The following IL17RD variants were observed in gnomAD, a reference collection of about 807,000 sequenced individuals.
IL17RD encodes the protein interleukin-17 receptor D.
In IL17RD, 52 loss-of-function variants were observed where a neutral mutation model predicts 80.5. The observed-to-expected ratio is 0.65, with a 90% CI of 0.52 to 0.81. IL17RD has a LOEUF of 0.81. Ranked by LOEUF, IL17RD falls within the 40% of genes least tolerant of loss-of-function variation. The pLI is 0.00. For missense variants in IL17RD, 1,024 were observed against 955.1 expected, an observed-to-expected ratio of 1.07 and a Z score of -0.95; for synonymous variants, 416 against 391.8, an observed-to-expected ratio of 1.06 and a Z score of -0.73.
chr3:57,124,869 TC>T (rs1160131385), intron 1 of IL17RD, among the ~76,000 whole-genome samples: 1 of 152,180 alleles, frequency 6.6e-6, no homozygotes, highest in Non-Finnish European at 1.5e-5. Flanking sequence ...CCGGAGCTGA[TC>T]CCTGTCCTTG....
intron 1 of IL17RD, among the ~76,000 whole-genome samples, chr3:57,123,281 ACGTGCATATCTGCCCT>A (rs963359447): frequency 7.2e-5 from 11 of 152,216 alleles, no homozygotes; most frequent in Admixed American, 7.2e-4. Flanking sequence ...GGCTCTGGCC[ACGTGCATATCTGCCCT>A]CGCTCCCCTG....
rs369550698 is a variant in IL17RD, at chr3:57,104,277, T to C, written c.813+65A>G. 2,005 of 1,112,082 alleles carry C rather than the reference T, an allele frequency of 1.8e-3. 23 individuals are homozygous for C. Among genetic ancestry groups the C allele is most frequent in the Middle Eastern group, 9.3e-3 (48 of 5,144 alleles). The allele number at this position is 1,112,082 out of a possible 1,614,324, so 68.9% of individuals were successfully genotyped here. ...CTTGAAATTTTAGTGTTGTAAACAG[T>C]TGGAATTCTATATGAACTGGGTTCA... On this transcript the variant is annotated intron_variant, in intron 8 of 12. Transcript: ENST00000296318.
chr3:57,098,558 C>T lies in IL17RD; in HGVS notation c.1165-20G>A. ...AGCCACCTGGAAAGAGAACAAGGCACCTCACCCATACAGAAGGCTCGGGAA... is the reference window on the plus strand; with the variant it reads ...AGCCACCTGGAAAGAGAACAAGGCATCTCACCCATACAGAAGGCTCGGGAA... On this transcript the variant is annotated intron_variant, in intron 11 of 12. Coordinates refer to ENST00000296318, the MANE Select transcript of IL17RD (RefSeq NM_017563.5). The T allele has an allele frequency of 1.3e-6, 2 of 1,531,440 alleles. No individual in the cohort carries two copies. The allele number at this position is 1,531,440 out of a possible 1,614,324, so 94.9% of individuals were successfully genotyped here.
rs1284901270 is a variant in IL17RD at position 57,094,311 on chromosome 3, T to A, written c.*2082A>T. On this transcript the variant is annotated 3_prime_UTR_variant, in exon 13 of 13. Transcript: ENST00000296318. The stretch of plus-strand genomic sequence containing the variant: ...GTTTCATTACTCGGTATATTAAGAG[T>A]TTGATTTTATTGATCAGAAACATTA... The A allele has an allele frequency of 2.6e-5, 4 of 152,070 alleles. No homozygotes were observed. The highest frequency in any genetic ancestry group is 9.7e-5 in the African/African-American group (4 of 41,388). 9.4% of individuals were successfully genotyped at this position (152,070 alleles called of 1,614,324 possible).
At chr3:57,096,638 A>C in intron 12 of IL17RD, 133 bp from the exon 13 acceptor site, 1 of 678,518 alleles carries the variant, frequency 1.5e-6, no homozygotes. Flanking sequence ...AATCCCAACC[A>C]ACTCAAGATG....
upstream of IL17RD, among the ~76,000 whole-genome samples, chr3:57,170,061 ACT>A (rs2060362751): frequency 6.6e-6 from 1 of 151,944 alleles, no homozygotes; most frequent in Admixed American, 6.6e-5. Flanking sequence ...ATTCCTCCAG[ACT>A]CTTCCTGTCT....
upstream of IL17RD, among the ~76,000 whole-genome samples, chr3:57,169,013 C>A (rs2060359156): frequency 1.3e-5 from 2 of 152,252 alleles, no homozygotes; most frequent in Admixed American, 1.3e-4. Flanking sequence ...CCGCCGCTCC[C>A]AGTCTCCATC....
intron 2 of IL17RD, among the ~76,000 whole-genome samples, chr3:57,119,553 G>GAA (rs1707289565): frequency 6.6e-6 from 1 of 151,870 alleles, no homozygotes; most frequent in Admixed American, 6.6e-5. Flanking sequence ...AAAGAAAAGA[G>GAA]AAAAGAACTG....
intron 1 of IL17RD, among the ~76,000 whole-genome samples, chr3:57,131,211 C>T (rs888189159): frequency 2.1e-5 from 3 of 141,282 alleles, no homozygotes; most frequent in Non-Finnish European, 4.6e-5. Flanking sequence ...CTGTGGGAAT[C>T]CCAGTTACTT....
chr3:57,114,666 C>T, intron 3 of IL17RD, 26 bp downstream of exon 3: 1 of 1,584,292 alleles, frequency 6.3e-7, no homozygotes, highest in Non-Finnish European at 8.6e-7. Context: ...AGGTTATCAC[C>T]ATGCACTCGA....
intron 1 of IL17RD, among the ~76,000 whole-genome samples, chr3:57,163,786 G>C (rs1202595059): frequency 3.0e-5 from 3 of 98,522 alleles, no homozygotes; most frequent in Non-Finnish European, 5.9e-5. Flanking sequence ...CTAATGGGGC[G>C]GGGGGGCGGG....
At chr3:57,101,481 T>A in intron 10 of IL17RD, 118 bp from the exon 11 acceptor site, 1 of 625,562 alleles carries the variant, frequency 1.6e-6, no homozygotes, top group Non-Finnish European at 2.7e-6. Flanking sequence ...GCAGTCCCAT[T>A]CCCCAACTCC....
chr3:57,121,037 T>C (rs1165461094), intron 1 of IL17RD, among the ~76,000 whole-genome samples: 3 of 152,200 alleles, frequency 2.0e-5, no homozygotes, highest in Non-Finnish European at 4.4e-5. Context: ...GACCCCGCCT[T>C]TTCCACCACT....
At chr3:57,151,558 G>T (rs901031667) in intron 1 of IL17RD, among the ~76,000 whole-genome samples, 1 of 152,170 alleles carries the variant, frequency 6.6e-6, no homozygotes, top group Non-Finnish European at 1.5e-5. Flanking sequence ...AAGCTCAAAA[G>T]TGTTATGAGG....
chr3:57,107,379 G>GA (rs759476261), intron 5 of IL17RD, among the ~76,000 whole-genome samples: 1,601 of 72,310 alleles, frequency 0.022, 33 homozygotes, highest in African/African-American at 0.069. Context: ...ACTCCATCTC[G>GA]AAAAAAAAAA....
intron 1 of IL17RD, among the ~76,000 whole-genome samples, chr3:57,159,011 G>GAC (rs1272110791): frequency 6.6e-6 from 1 of 152,044 alleles, no homozygotes; most frequent in Non-Finnish European, 1.5e-5. Context: ...GCCCTTCCCA[G>GAC]ACACCAAAGG....
rs1366466359 is a variant in IL17RD at position 57,097,995 on chromosome 3, G to C, written c.1708C>G (p.Pro570Ala). 2 of 1,613,946 alleles carry C rather than the reference G, an allele frequency of 1.2e-6. No homozygotes were observed. Among genetic ancestry groups the C allele is most frequent in the African/African-American group, 2.7e-5 (2 of 74,954 alleles). The part of the protein sequence containing the change: ...FEKQFVPFHP[P>A]PLRYREPVLE... The stretch of plus-strand genomic sequence containing the variant: ...ACTGGCTCCCGGTAGCGCAGTGGAG[G>C]AGGATGGAAGGGAACGAACTGCTTT... The change falls in exon 12 of 13, where the codon CCT becomes GCT. Residue 570 changes from proline (P) to alanine (A), a missense_variant. Physicochemically the swap from Pro to Ala is conservative, Grantham distance 27 (BLOSUM62 -1). Transcript: ENST00000296318.
chr3:57,127,833 A>G (rs1707527572), intron 1 of IL17RD, among the ~76,000 whole-genome samples: 1 of 152,190 alleles, frequency 6.6e-6, no homozygotes, highest in South Asian at 2.1e-4. Flanking sequence ...GGACATGAGA[A>G]GGGTGAGACG....
At chr3:57,139,589 A>G (rs1451266184) in intron 1 of IL17RD, among the ~76,000 whole-genome samples, 12 of 151,144 alleles carry the variant, frequency 7.9e-5, no homozygotes, top group Admixed American at 5.3e-4. Flanking sequence ...TCTCAGCTCA[A>G]TGCAGCCTCT....
Sources: gnomAD v4.1 joint callset for allele counts (sites outside exome capture counted in the v4.1 genomes callset) on GRCh38, gnomAD v4.1.1 for gene constraint, MANE v1.5 for transcripts, NCBI Gene and HGNC (gene_info 2026-07-23, HGNC 2026-07-21) for gene names.